Variants in VOPP1 observed in about 807,000 individuals in gnomAD.
The protein encoded by VOPP1 is WW domain binding protein VOPP1.
In VOPP1, 8 loss-of-function variants were observed where a neutral mutation model predicts 23.5. The ratio of observed to expected loss-of-function variants is 0.34; its 90% CI spans 0.20 to 0.61. The LOEUF (loss-of-function observed/expected upper bound fraction) is 0.61, where lower values mean the gene tolerates loss of function less well. Ranked by LOEUF, VOPP1 falls within the 20% of genes least tolerant of loss-of-function variation. The pLI is 0.78. For missense variants in VOPP1, 174 were observed against 238.1 expected, an observed-to-expected ratio of 0.73 and a Z score of 1.77; for synonymous variants, 83 against 97.3, an observed-to-expected ratio of 0.85 and a Z score of 0.86.
intron 1 of VOPP1, among the ~76,000 whole-genome samples, chr7:55,550,672 G>A (rs1261706342): frequency 1.3e-5 from 2 of 152,140 alleles, no homozygotes; most frequent in African/African-American, 4.8e-5. Flanking sequence ...GCCCTATCGC[G>A]AAGGATTATA....
chr7:55,480,888 C>CA (rs1445024998), intron 4 of VOPP1, among the ~76,000 whole-genome samples: 3 of 139,834 alleles, frequency 2.1e-5, no homozygotes, highest in East Asian at 3.9e-4. Flanking sequence ...TCTCAGTTCT[C>CA]ACGTTACTTG....
intron 1 of VOPP1, among the ~76,000 whole-genome samples, chr7:55,560,073 A>T (rs183485019): frequency 0.011 from 1,671 of 152,322 alleles, 11 homozygotes; most frequent in Middle Eastern, 0.02. Context: ...GAATCACTTG[A>T]ACCTGGGAGG....
At chr7:55,549,221 T>C (rs1797496447) in intron 1 of VOPP1, among the ~76,000 whole-genome samples, 1 of 152,076 alleles carries the variant, frequency 6.6e-6, no homozygotes, top group Non-Finnish European at 1.5e-5. Flanking sequence ...TCCAAAACAC[T>C]GAAAGCATCC....
chr7:55,484,764 A>G (rs1469459454), intron 4 of VOPP1, among the ~76,000 whole-genome samples: 2 of 152,246 alleles, frequency 1.3e-5, no homozygotes. Context: ...GTGAACAAGT[A>G]TGCGTTCATA....
chr7:55,564,243 G>GTCTGTCTCTCTCTCTCTC (rs1798082128), intron 1 of VOPP1, among the ~76,000 whole-genome samples: 1 of 125,984 alleles, frequency 7.9e-6, no homozygotes, highest in South Asian at 2.8e-4. Context: ...CTCTGTCTCT[G>GTCTGTCTCTCTCTCTCTC]TCTCTCTCTC....
rs548881504 is a variant in VOPP1, at chr7:55,534,890, C to T, written c.55-13760G>A. On this transcript the variant is annotated intron_variant, in intron 1 of 4. Transcript: ENST00000285279. Reference sequence around the variant, plus strand: ...GCCTCCTGTCTTCCCACTCCATCCACGTGGTCAAGCCTTGTCTCTTCCCAG... The same window carrying T: ...GCCTCCTGTCTTCCCACTCCATCCATGTGGTCAAGCCTTGTCTCTTCCCAG... 6.6e-5 allele frequency among the ~76,000 whole-genome samples: 10 copies of T among 152,366 alleles called. No individual in the cohort carries two copies. The South Asian group carries it at 1.9e-3, about 28-fold the overall frequency.
At chr7:55,489,939 C>G (rs1793441264) in intron 4 of VOPP1, among the ~76,000 whole-genome samples, 1 of 152,090 alleles carries the variant, frequency 6.6e-6, no homozygotes. Context: ...ACTATGGGTA[C>G]AACACAGAGC....
chr7:55,539,603 AG>A (rs766625804), intron 1 of VOPP1: 7 of 151,778 alleles, frequency 4.6e-5, no homozygotes, highest in African/African-American at 7.3e-5. Context: ...TGAGGCTGAA[AG>A]GGAAGGAAAC....
At chr7:55,492,957 C>A (rs149608341) in intron 3 of VOPP1, 2 of 152,240 alleles carry the variant, frequency 1.3e-5, no homozygotes, top group African/African-American at 4.8e-5. Context: ...CTGGAGCACA[C>A]CTTAATTACA....
intron 4 of VOPP1, among the ~76,000 whole-genome samples, chr7:55,464,984 C>A (rs1791597788): frequency 6.6e-6 from 1 of 152,206 alleles, no homozygotes; most frequent in Admixed American, 6.5e-5. Flanking sequence ...AGATCTCTTG[C>A]TTACCTTCTC....
At chr7:55,522,765 G>A (rs1279847436) in intron 1 of VOPP1, among the ~76,000 whole-genome samples, 4 of 152,206 alleles carry the variant, frequency 2.6e-5, no homozygotes, top group South Asian at 2.1e-4. Flanking sequence ...GCCACGCAGC[G>A]AGAGCCAGGT....
intron 4 of VOPP1, among the ~76,000 whole-genome samples, chr7:55,446,542 GA>G (rs1791106360): frequency 1.3e-5 from 2 of 152,156 alleles, no homozygotes; most frequent in Admixed American, 1.3e-4. Flanking sequence ...AGCTGCAAGG[GA>G]ACTTTGGTAT....
At chr7:55,440,699 G>A (rs1271321414) in intron 4 of VOPP1, among the ~76,000 whole-genome samples, 2 of 152,182 alleles carry the variant, frequency 1.3e-5, no homozygotes, top group Non-Finnish European at 2.9e-5. Context: ...GAGCACAAGC[G>A]TGTGCCTGGC....
At chr7:55,537,557 ACCT>A in intron 1 of VOPP1, 2 of 1,535,844 alleles carry the variant, frequency 1.3e-6, no homozygotes, top group South Asian at 2.4e-5. Flanking sequence ...CAGGCAGCGC[ACCT>A]CCTCGCCAGC....
chr7:55,504,263 C>T (rs1794561805), intron 2 of VOPP1, among the ~76,000 whole-genome samples: 1 of 152,208 alleles, frequency 6.6e-6, no homozygotes, highest in Non-Finnish European at 1.5e-5. Flanking sequence ...CCTGCATTCT[C>T]CACAGAGCTG....
chr7:55,501,550 G>T (rs151276766), intron 2 of VOPP1, among the ~76,000 whole-genome samples: 153 of 152,256 alleles, frequency 1.0e-3, no homozygotes, highest in African/African-American at 3.6e-3. Flanking sequence ...AAGGTCTTTC[G>T]GTCCTTGTCT....
At chr7:55,446,632 C>T (rs1328933145) in intron 4 of VOPP1, among the ~76,000 whole-genome samples, 1 of 152,182 alleles carries the variant, frequency 6.6e-6, no homozygotes, top group Admixed American at 6.5e-5. Context: ...AATTGGCAGC[C>T]AAGGATGATC....
chr7:55,473,976 C>G (rs1792041189), intron 4 of VOPP1, among the ~76,000 whole-genome samples: 1 of 152,160 alleles, frequency 6.6e-6, no homozygotes, highest in Admixed American at 6.5e-5. Context: ...TAGAAACATG[C>G]CCATCAAGGT....
In VOPP1 at chr7:55,554,999, C is replaced by A. The variant is rs75322436; in HGVS notation, c.54+17272G>T. Among the ~76,000 whole-genome samples the A allele has an allele frequency of 8.5e-5, 13 of 152,216 alleles. 1 individual carries two copies. The East Asian group carries it at 2.5e-3, about 29-fold the overall frequency. On this transcript the variant is annotated intron_variant, in intron 1 of 4. Coordinates refer to ENST00000285279, the MANE Select transcript of VOPP1 (RefSeq NM_030796.5). ...GGTGGCTGCTTTTTGCCGCATCTCC[C>A]GAAGGAGAAAATCAGGTGAAAGGTG... is the stretch of plus-strand genomic sequence containing the variant.
Sources: gnomAD v4.1 joint callset for allele counts (sites outside exome capture counted in the v4.1 genomes callset) on GRCh38, gnomAD v4.1.1 for gene constraint, MANE v1.5 for transcripts, NCBI Gene and HGNC (gene_info 2026-07-23, HGNC 2026-07-21) for gene names.